CHRNA7: variants seen among roughly 807,000 people sequenced by gnomAD.
CHRNA7 encodes the protein cholinergic receptor nicotinic alpha 7 subunit, also known as neuronal acetylcholine receptor subunit alpha-7.
A neutral mutation model predicts 48.0 loss-of-function variants in CHRNA7; 17 were observed. The ratio of observed to expected loss-of-function variants is 0.35; its 90% CI spans 0.24 to 0.53. CHRNA7 has a LOEUF of 0.53. CHRNA7 is among the 20% of genes least tolerant of loss of function. The pLI, the probability that CHRNA7 is intolerant of heterozygous loss-of-function variation, is 0.92. For missense variants in CHRNA7, 155 were observed against 577.7 expected, an observed-to-expected ratio of 0.27 and a Z score of 7.50; for synonymous variants, 75 against 242.3, an observed-to-expected ratio of 0.31 and a Z score of 6.41.
At chr15:32,141,203 G>C (rs1398300365) in intron 4 of CHRNA7, among the ~76,000 whole-genome samples, 1 of 152,098 alleles carries the variant, frequency 6.6e-6, no homozygotes, top group Non-Finnish European at 1.5e-5. Context: ...TCTTGTTTTT[G>C]TCAGGTTTGT....
intron 4 of CHRNA7, among the ~76,000 whole-genome samples, chr15:32,124,173 A>G (rs758646101): frequency 1.3e-5 from 2 of 152,194 alleles, no homozygotes; most frequent in Non-Finnish European, 2.9e-5. Context: ...AAATAATCCA[A>G]AAGGTTGAAA....
intron 4 of CHRNA7, among the ~76,000 whole-genome samples, chr15:32,141,947 C>T (rs1041958365): frequency 2.0e-5 from 3 of 152,210 alleles, no homozygotes; most frequent in Non-Finnish European, 4.4e-5. Context: ...GCCAGAACTT[C>T]CAACACTATG....
intron 3 of CHRNA7, among the ~76,000 whole-genome samples, chr15:32,105,558 A>AGAT (rs1390133288): frequency 2.0e-5 from 3 of 152,140 alleles, no homozygotes; most frequent in East Asian, 3.8e-4. Context: ...AGCAAGAACA[A>AGAT]GTATCTCCCC....
intron 2 of CHRNA7, among the ~76,000 whole-genome samples, chr15:32,084,787 T>C (rs918103549): frequency 5.3e-5 from 8 of 150,814 alleles, no homozygotes; most frequent in Admixed American, 2.0e-4. Flanking sequence ...TGGCGCTGCC[T>C]GCACGGCCTG....
intron 2 of CHRNA7, among the ~76,000 whole-genome samples, chr15:32,042,137 T>G (rs1368693112): frequency 6.6e-6 from 1 of 152,154 alleles, no homozygotes; most frequent in Non-Finnish European, 1.5e-5. Flanking sequence ...GTTACTAATG[T>G]AGTGTTAAGG....
chr15:32,048,062 A>C (rs2049587737), intron 2 of CHRNA7, among the ~76,000 whole-genome samples: 1 of 152,110 alleles, frequency 6.6e-6, no homozygotes, highest in South Asian at 2.1e-4. Context: ...GTGCTGCTGG[A>C]TTCCGTTTGC....
chr15:32,141,000 C>T (rs1203876520), intron 4 of CHRNA7, among the ~76,000 whole-genome samples: 2 of 152,130 alleles, frequency 1.3e-5, no homozygotes, highest in African/African-American at 4.8e-5. Flanking sequence ...TTTGCCCATG[C>T]CTATGTCCTG....
chr15:32,067,865 G>C (rs562121676), intron 2 of CHRNA7, among the ~76,000 whole-genome samples: 1 of 152,058 alleles, frequency 6.6e-6, no homozygotes, highest in Non-Finnish European at 1.5e-5. Flanking sequence ...TGTAATTCCC[G>C]GGAAAAACAG....
intron 4 of CHRNA7, among the ~76,000 whole-genome samples, chr15:32,127,270 T>TA (rs2051083556): frequency 6.6e-6 from 1 of 152,172 alleles, no homozygotes; most frequent in African/African-American, 2.4e-5. Flanking sequence ...ATAGCTTCTA[T>TA]AACATCCATG....
At chr15:32,135,890 C>G (rs2051247800) in intron 4 of CHRNA7, among the ~76,000 whole-genome samples, 1 of 152,060 alleles carries the variant, frequency 6.6e-6, no homozygotes, top group African/African-American at 2.4e-5. Context: ...CTTTTAAAGG[C>G]AACAGTAGAA....
chr15:32,100,874 AG>A (rs1307146214), intron 2 of CHRNA7: 1 of 174,104 alleles, frequency 5.7e-6, no homozygotes, highest in Non-Finnish European at 1.2e-5. Context: ...TGGGGGAGGG[AG>A]GCATAACATA....
chr15:32,109,036 G>A (rs997069714), intron 3 of CHRNA7, among the ~76,000 whole-genome samples: 2 of 152,158 alleles, frequency 1.3e-5, no homozygotes, highest in South Asian at 2.1e-4. Flanking sequence ...CCAAGAGAGG[G>A]TTCTTGGATC....
intron 2 of CHRNA7, among the ~76,000 whole-genome samples, chr15:32,072,484 T>A (rs910692272): frequency 2.6e-5 from 4 of 152,134 alleles, no homozygotes; most frequent in Non-Finnish European, 2.9e-5. Flanking sequence ...TGGAGCAACT[T>A]CTCCCAAAAG....
At chr15:32,151,127 A>G (rs1052005260) in intron 4 of CHRNA7, among the ~76,000 whole-genome samples, 2 of 151,294 alleles carry the variant, frequency 1.3e-5, no homozygotes, top group Non-Finnish European at 2.9e-5. Context: ...CTTTTTTCCT[A>G]GAGTTTCTGG....
chr15:32,101,468 AC>A lies in CHRNA7; in HGVS notation c.240+122del. ...CTGTTTAGGAAAAAAAACCAAAAAAACAAAAGGCCATGGCTGTCACACCAAC... is the reference window on the plus strand; with the variant it reads ...CTGTTTAGGAAAAAAAACCAAAAAAAAAAAGGCCATGGCTGTCACACCAAC... On this transcript the variant is annotated intron_variant, in intron 3 of 9. Transcript: ENST00000306901. 5 of 1,058,520 alleles carry A rather than the reference AC, an allele frequency of 4.7e-6. No individual in the cohort carries two copies. The South Asian group carries it at 6.6e-5, about 14-fold the overall frequency. 65.6% of individuals were successfully genotyped at this position (1,058,520 alleles called of 1,614,324 possible).
chr15:32,125,060 C>T (rs2051041836), intron 4 of CHRNA7, among the ~76,000 whole-genome samples: 1 of 152,072 alleles, frequency 6.6e-6, no homozygotes, highest in Non-Finnish European at 1.5e-5. Flanking sequence ...AGCCGGAGCC[C>T]TATGACAGCA....
intron 2 of CHRNA7, among the ~76,000 whole-genome samples, chr15:32,090,957 T>A (rs28758460): frequency 0.044 from 6,747 of 152,278 alleles, 178 homozygotes; most frequent in Middle Eastern, 0.095. Flanking sequence ...TTTAGGTCAT[T>A]TTGTTGAGTC....
intron 4 of CHRNA7, among the ~76,000 whole-genome samples, chr15:32,145,938 A>C (rs2051479989): frequency 6.6e-6 from 1 of 151,984 alleles, no homozygotes; most frequent in Non-Finnish European, 1.5e-5. Context: ...CCACTGTCCA[A>C]CCAGTCCCAA....
rs1164824394 is a variant in CHRNA7, at chr15:32,164,913, TAAAAAAAA to T, written c.990+1602_990+1609del. On this transcript the variant is annotated intron_variant, in intron 9 of 9. Transcript: ENST00000306901. ...GGTGACAGAGCAAAACTCCATCTCC[TAAAAAAAA>T]AAAAAAAAAAAAAAAAAAAAAAAGA... Among the ~76,000 whole-genome samples, 7 of 15,956 alleles carry T rather than the reference TAAAAAAAA, an allele frequency of 4.4e-4. No homozygotes were observed. The Admixed American group carries it at 4.9e-3, about 11-fold the overall frequency. The allele number at this position is 15,956 out of a possible 152,430, so 10.5% of individuals were successfully genotyped here. A position where few individuals can be genotyped will look rare whatever the true frequency, so the allele number is the denominator to read the frequency against.
Sources: allele counts gnomAD v4.1 joint callset (sites outside exome capture counted in the v4.1 genomes callset), GRCh38; gene constraint gnomAD v4.1.1; transcripts MANE v1.5; gene names NCBI Gene and HGNC (gene_info 2026-07-23, HGNC 2026-07-21).